The following RNF44 variants were observed in gnomAD, a reference collection of about 807,000 sequenced individuals.
RNF44 encodes the protein ring finger protein 44.
A neutral mutation model predicts 53.6 loss-of-function variants in RNF44; 25 were observed. That is an observed-to-expected ratio of 0.47 (90% CI 0.34 to 0.65). The LOEUF is 0.65. Ranked by LOEUF, RNF44 falls within the 30% of genes least tolerant of loss-of-function variation. RNF44 has a pLI of 0.01. For missense variants in RNF44, 581 were observed against 595.5 expected (o/e 0.98, Z 0.25); for synonymous variants, 282 against 252.2 (o/e 1.12, Z -1.12).
Position 176,531,871 on chromosome 5 carries a change from C to G in RNF44, c.297+133G>C. The G allele has an allele frequency of 9.5e-7, 1 of 1,050,954 alleles. No individual in the cohort carries two copies. The highest frequency in any genetic ancestry group is 1.7e-5 in the South Asian group (1 of 59,772). 65.1% of individuals were successfully genotyped at this position (1,050,954 alleles called of 1,614,324 possible). A position where few individuals can be genotyped will look rare whatever the true frequency, so the allele number is the denominator to read the frequency against. ...CTTTCCCCGGGCCTCAGTTTACCTACCTGTAAAGCAGGGCCAATAATGCCT... is the reference window on the plus strand; with the variant it reads ...CTTTCCCCGGGCCTCAGTTTACCTAGCTGTAAAGCAGGGCCAATAATGCCT... On this transcript the variant is annotated intron_variant, in intron 3 of 10. Coordinates refer to ENST00000274811, the MANE Select transcript of RNF44 (RefSeq NM_014901.5). The surrounding 1 kb of genome is among the most constrained non-coding windows in gnomAD (Gnocchi z 4.2).
chr5:176,529,818 G>C lies in RNF44; in HGVS notation c.927C>G (p.Leu309=), dbSNP rs1756391503. The C allele has an allele frequency of 6.3e-7, 1 of 1,596,552 alleles. No homozygotes were observed. The highest frequency in any genetic ancestry group is 1.3e-5 in the African/African-American group (1 of 74,634). The change falls in exon 8 of 11, where the codon CTC becomes CTG. Residue 309 remains leucine, a splice_region_variant and synonymous_variant. Transcript: ENST00000274811. ...PYYPSFLPYF[L]SMLPMSPTAM... ...CTGTTGGTGACATTGGCAGCATCGA[G>C]CTAGAGAGAGACAAGTGTGGGGGCC...
At position 176,528,675 on chromosome 5, in the gene RNF44, T is replaced by C; in HGVS notation, c.*353A>G. On this transcript the variant is annotated 3_prime_UTR_variant, in exon 11 of 11. Coordinates refer to ENST00000274811, the MANE Select transcript of RNF44 (RefSeq NM_014901.5). ...AGGATGGTGCTCTGTCTGCCCATCC[T>C]GGGGCCAAGGATCTCCACCGGCCCC... The C allele has an allele frequency of 3.0e-6, 1 of 329,214 alleles. No individual in the cohort carries two copies. The highest frequency in any genetic ancestry group is 5.9e-5 in the East Asian group (1 of 17,086). The allele number at this position is 329,214 out of a possible 1,614,324, so 20.4% of individuals were successfully genotyped here.
intron 7 of RNF44, 53 bp from the exon 8 acceptor site, chr5:176,529,871 C>G (rs1756397176): frequency 6.7e-7 from 1 of 1,483,304 alleles, no homozygotes; most frequent in African/African-American, 1.4e-5. Context: ...GTGGGGCACA[C>G]AGAGCCGCTC....
rs112960485 is a variant in RNF44 at position 176,531,676 on chromosome 5, C to G, written c.298-46G>C. On this transcript the variant is annotated intron_variant, in intron 3 of 10. Transcript: ENST00000274811. This position sits in a 1 kb window ranked among gnomAD's most constrained non-coding sequence, Gnocchi z 4.2. ...GGGAAAGTATGAAAAGGAAGCTGAC[C>G]GCGAGGGCTACTCTCAGGAGAAATC... 730 of 1,549,684 alleles carry G rather than the reference C, an allele frequency of 4.7e-4. 2 individuals carry two copies. In the African/African-American group the frequency reaches 9.3e-3, roughly 20 times the overall value.
Position 176,526,773 on chromosome 5 carries a change from AAAT to A in RNF44, c.*2252_*2254del, listed in dbSNP as rs1756063092. 1 of 152,592 alleles carries A rather than the reference AAAT, an allele frequency of 6.6e-6. No homozygotes were observed. 9.5% of individuals were successfully genotyped at this position (152,592 alleles called of 1,614,324 possible). ...CTGAAATCAGCAACAATATTAAAAA[AAAT>A]AATGATTGCACTACTTGGTCAAGCA... is the stretch of plus-strand genomic sequence containing the variant. On this transcript the variant is annotated 3_prime_UTR_variant, in exon 11 of 11. Coordinates refer to ENST00000274811, the MANE Select transcript of RNF44 (RefSeq NM_014901.5).
rs369109048 is a variant in RNF44, at chr5:176,527,923, T to C, written c.*1105A>G. The C allele has an allele frequency of 6.6e-6, 1 of 152,124 alleles. No individual in the cohort carries two copies. Among genetic ancestry groups the C allele is most frequent in the Non-Finnish European group, 1.5e-5 (1 of 68,072 alleles). The allele number at this position is 152,124 out of a possible 1,614,324, so 9.4% of individuals were successfully genotyped here. A position where few individuals can be genotyped will look rare whatever the true frequency, so the allele number is the denominator to read the frequency against. ...GGAGATTCGCCCAGGCAGGTGGGAG[T>C]TGGGCCCTGGCTGGAGGGAGAAATG... On this transcript the variant is annotated 3_prime_UTR_variant, in exon 11 of 11. Transcript: ENST00000274811.
In RNF44 at chr5:176,532,029, G is replaced by GGTT. The variant is rs1259883096; in HGVS notation, c.271_272insAAC (p.Ser90_Pro91insGln). On this transcript the variant is annotated inframe_insertion, in exon 3 of 11. Coordinates refer to ENST00000274811, the MANE Select transcript of RNF44 (RefSeq NM_014901.5). ...CTGCTCGTGGAGATCAACCATGAAC[G>GGTT]GGCTCTGCTGGGTGGCTGGGTGCAG... 1.2e-6 allele frequency: 2 copies of GGTT among 1,611,298 alleles called. No individual in the cohort carries two copies. Among genetic ancestry groups the GGTT allele is most frequent in the African/African-American group, 2.7e-5 (2 of 74,810 alleles).
chr5:176,542,492 T>G (rs867649337), upstream of RNF44: 20 of 152,450 alleles, frequency 1.3e-4, no homozygotes, highest in African/African-American at 4.6e-4. Context: ...TTCTCACTGC[T>G]GGAACCCCCA....
chr5:176,538,930 T>C (rs1274292068), upstream of RNF44, among the ~76,000 whole-genome samples: 1 of 152,244 alleles, frequency 6.6e-6, no homozygotes, highest in East Asian at 1.9e-4. Context: ...GATAGACTAT[T>C]GTATATATTG....
chr5:176,530,688 C>T lies in RNF44; in HGVS notation c.695G>A (p.Gly232Asp). The change falls in exon 6 of 11, where the codon GGC (glycine) becomes GAC (aspartate). Residue 232 changes from glycine (G) to aspartate (D), a missense_variant. Gly to Asp is a moderately conservative substitution (Grantham distance 94). This residue lies in a region of RNF44 where 387 missense variants were observed against 366.0 expected (regional missense o/e 1.06). Coordinates refer to ENST00000274811, the MANE Select transcript of RNF44 (RefSeq NM_014901.5). ...VDLRGDQPSL[G>D]SFTYSTSAPG... ...CGCAGAGGTGGAGTAGGTGAAGCTG[C>T]CCAGGGAGGGCTGGTCCCCACGCAG... 4 of 1,548,206 alleles carry T rather than the reference C, an allele frequency of 2.6e-6. No individual in the cohort carries two copies. The highest frequency in any genetic ancestry group is 3.5e-6 in the Non-Finnish European group (4 of 1,149,796).
rs1219332664 is a variant in RNF44 at position 176,530,874 on chromosome 5, A to T, written c.613T>A (p.Ser205Thr). 5.0e-6 allele frequency: 6 copies of T among 1,201,690 alleles called. No individual in the cohort carries two copies. Among genetic ancestry groups the T allele is most frequent in the Non-Finnish European group, 5.3e-6 (5 of 952,172 alleles). 74.4% of individuals were successfully genotyped at this position (1,201,690 alleles called of 1,614,324 possible). The change falls in exon 5 of 11, where the codon TCT (serine) becomes ACT (threonine). Residue 205 changes from serine to threonine, a missense_variant. This residue lies in a region of RNF44 where 387 missense variants were observed against 366.0 expected (regional missense o/e 1.06). Transcript: ENST00000274811. ...ATCCGAGGGTGCTGGGTCTGCAGAG[A>T]CACAAACTGCCCCAGGGGCGCCATG... Reference protein sequence around the residue: ...THMAPLGQFVSLQTQHPRMPL... With the variant: ...THMAPLGQFVTLQTQHPRMPL...
At chr5:176,536,231 A>G (rs997826664) in intron 1 of RNF44, 14 of 152,224 alleles carry the variant, frequency 9.2e-5, no homozygotes, top group African/African-American at 3.4e-4. Context: ...ACTAGGAGAG[A>G]AGACTCCCTA....
rs369951835 is a variant in RNF44 at position 176,530,072 on chromosome 5, G to A, written c.926+10C>T. 28 of 1,126,124 alleles carry A rather than the reference G, an allele frequency of 2.5e-5. No individual in the cohort carries two copies. Among genetic ancestry groups the A allele is most frequent in the African/African-American group, 1.6e-4 (9 of 56,562 alleles). The allele number at this position is 1,126,124 out of a possible 1,614,324, so 69.8% of individuals were successfully genotyped here. Reference sequence around the variant, plus strand: ...CATCAGGGACCTGGGGCGGATGTGCGGATACTTACAGGAAGTAGGGCAGGA... The same window carrying A: ...CATCAGGGACCTGGGGCGGATGTGCAGATACTTACAGGAAGTAGGGCAGGA... On this transcript the variant is annotated intron_variant, in intron 7 of 10. Transcript: ENST00000274811.
rs750889499 is a variant in RNF44, at chr5:176,529,022, G to A, written c.*6C>T. Reference sequence around the variant, plus strand: ...AGGGTTCTCCCGGGCAGGCGGCTGCGTGGCCTCACTCAGCCTCCCTGGGCA... The same window carrying A: ...AGGGTTCTCCCGGGCAGGCGGCTGCATGGCCTCACTCAGCCTCCCTGGGCA... On this transcript the variant is annotated 3_prime_UTR_variant, in exon 11 of 11. Transcript: ENST00000274811. 36 of 1,610,894 alleles carry A rather than the reference G, an allele frequency of 2.2e-5. No individual in the cohort carries two copies. The highest frequency in any genetic ancestry group is 2.5e-5 in the Non-Finnish European group (30 of 1,179,214).
chr5:176,532,126 G>A lies in RNF44; in HGVS notation c.175C>T (p.Pro59Ser), dbSNP rs1400720474. The change falls in exon 3 of 11, where the codon CCG (proline) becomes TCG (serine). Residue 59 changes from proline (P) to serine (S), a missense_variant. By Grantham distance (74) the Pro-to-Ser change is moderately conservative. Coordinates refer to ENST00000274811, the MANE Select transcript of RNF44 (RefSeq NM_014901.5). ...RDERLPSQQP[P>S]SRPPHLPVEE... ...ACGGGGAGGTGTGGAGGTCGGGACG[G>A]CGGCTGCTGGGAGGGTAAGCGCTCA... 6.3e-7 allele frequency: 1 copy of A among 1,582,884 alleles called. No individual in the cohort carries two copies. Among genetic ancestry groups the A allele is most frequent in the Non-Finnish European group, 8.6e-7 (1 of 1,166,640 alleles).
Position 176,527,227 on chromosome 5 carries a change from T to C in RNF44, c.*1801A>G, listed in dbSNP as rs1429814965. On this transcript the variant is annotated 3_prime_UTR_variant, in exon 11 of 11. Coordinates refer to ENST00000274811, the MANE Select transcript of RNF44 (RefSeq NM_014901.5). The stretch of plus-strand genomic sequence containing the variant: ...AGCCCCCACCACAGGAAATCATTGG[T>C]AACATGGCATCTATAGCAAGGTCGG... 2 of 152,450 alleles carry C rather than the reference T, an allele frequency of 1.3e-5. No homozygotes were observed. Among genetic ancestry groups the C allele is most frequent in the African/African-American group, 4.8e-5 (2 of 41,434 alleles). The allele number at this position is 152,450 out of a possible 1,614,324, so 9.4% of individuals were successfully genotyped here.
At chr5:176,530,450 C>A in intron 6 of RNF44, 132 bp downstream of exon 6, 1 of 1,135,262 alleles carries the variant, frequency 8.8e-7, no homozygotes, top group South Asian at 2.1e-5. Flanking sequence ...CTCCCAGCCG[C>A]CCCGGAGCCC....
upstream of RNF44, among the ~76,000 whole-genome samples, chr5:176,538,616 C>T (rs1757367184): frequency 6.6e-6 from 1 of 152,152 alleles, no homozygotes; most frequent in African/African-American, 2.4e-5. Context: ...GGAGGCGACA[C>T]GGGGCTATCT....
chr5:176,536,601 A>T (rs1190503495), intron 1 of RNF44, among the ~76,000 whole-genome samples: 1 of 152,152 alleles, frequency 6.6e-6, no homozygotes, highest in Non-Finnish European at 1.5e-5. Flanking sequence ...ACTGCAGCGC[A>T]GGGGCCAGAA....
Sources: allele counts gnomAD v4.1 joint callset (sites outside exome capture counted in the v4.1 genomes callset), GRCh38; gene constraint gnomAD v4.1.1; regional missense constraint gnomAD v4.1.1; non-coding constraint Gnocchi (gnomAD v3.1); transcripts MANE v1.5; gene names NCBI Gene and HGNC (gene_info 2026-07-23, HGNC 2026-07-21).